ASH1L: variants seen among roughly 807,000 people sequenced by gnomAD.
ASH1L encodes ASH1 like histone lysine methyltransferase, also known as histone-lysine N-methyltransferase ASH1L.
Under a neutral mutation model 269.0 loss-of-function variants are expected in ASH1L, and 23 were observed. The observed-to-expected ratio is 0.09, with a 90% CI of 0.06 to 0.12. ASH1L has a LOEUF of 0.12. ASH1L is among the 10% of genes least tolerant of loss of function. ASH1L has a pLI of 1.00. For synonymous variants in ASH1L, 1,187 were observed against 1,253.5 expected (o/e 0.95, Z 1.12); for missense variants, 2,912 against 3,567.8 (o/e 0.82, Z 4.68).
chr1:155,415,595 T>C, intron 6 of ASH1L, 149 bp downstream of exon 6: 4 of 841,404 alleles, frequency 4.8e-6, no homozygotes, highest in Non-Finnish European at 7.6e-6. Flanking sequence ...GACACAAAGT[T>C]TGAGGGAGGC....
chr1:155,477,561 CA>C (rs1665652904), intron 3 of ASH1L, among the ~76,000 whole-genome samples: 1 of 152,110 alleles, frequency 6.6e-6, no homozygotes, highest in Non-Finnish European at 1.5e-5. Context: ...ATACTACTAA[CA>C]GACCTATGAG....
At chr1:155,462,510 C>A (rs1664383564) in intron 3 of ASH1L, among the ~76,000 whole-genome samples, 2 of 152,164 alleles carry the variant, frequency 1.3e-5, no homozygotes, top group Non-Finnish European at 2.9e-5. Flanking sequence ...TTGGTGACAT[C>A]TGGAGCTTCA....
upstream of ASH1L, chr1:155,562,904 C>T (rs760647154): frequency 3.5e-5 from 16 of 454,704 alleles, no homozygotes; most frequent in East Asian, 1.4e-4. Flanking sequence ...GCCAGCCCCC[C>T]CTACCACCCT....
chr1:155,492,377 T>C (rs1453952505), intron 2 of ASH1L, among the ~76,000 whole-genome samples: 1 of 152,248 alleles, frequency 6.6e-6, no homozygotes, highest in Non-Finnish European at 1.5e-5. Context: ...CATGTCCTTC[T>C]AGACGACAAT....
Position 155,562,500 on chromosome 1 carries a change from G to A in ASH1L, c.-447C>T, listed in dbSNP as rs1672084597. 2.7e-6 allele frequency: 4 copies of A among 1,497,096 alleles called. No individual in the cohort carries two copies. Among genetic ancestry groups the A allele is most frequent in the East Asian group, 2.5e-5 (1 of 40,474 alleles). 92.7% of individuals were successfully genotyped at this position (1,497,096 alleles called of 1,614,324 possible). A position where few individuals can be genotyped will look rare whatever the true frequency, so the allele number is the denominator to read the frequency against. Reference sequence around the variant, plus strand: ...AGCTCCTCCAGAGGGAGGGAGCGAAGGGCGCCTAGCGCCCCCCTCAACCTT... The same window carrying A: ...AGCTCCTCCAGAGGGAGGGAGCGAAAGGCGCCTAGCGCCCCCCTCAACCTT... On this transcript the variant is annotated 5_prime_UTR_variant, in exon 1 of 28. Coordinates refer to ENST00000392403, the MANE Select transcript of ASH1L (RefSeq NM_018489.3).
intron 3 of ASH1L, among the ~76,000 whole-genome samples, chr1:155,460,219 TACA>T (rs1664186225): frequency 6.6e-6 from 1 of 152,234 alleles, no homozygotes; most frequent in African/African-American, 2.4e-5. Context: ...AAAATATTGA[TACA>T]AATTACTAAC....
chr1:155,471,784 G>A (rs1665118666), intron 3 of ASH1L, among the ~76,000 whole-genome samples: 1 of 152,204 alleles, frequency 6.6e-6, no homozygotes, highest in South Asian at 2.1e-4. Flanking sequence ...AGCAGGCCAG[G>A]CAGAAGTATG....
chr1:155,524,255 G>A (rs1221989001), intron 1 of ASH1L, among the ~76,000 whole-genome samples: 1 of 152,160 alleles, frequency 6.6e-6, no homozygotes, highest in Non-Finnish European at 1.5e-5. Context: ...GAGCATGGTG[G>A]CTCATGCCTA....
intron 6 of ASH1L, among the ~76,000 whole-genome samples, chr1:155,411,582 A>ATATAT (rs1659775685): frequency 1.9e-4 from 9 of 48,410 alleles, no homozygotes; most frequent in South Asian, 1.2e-3. Flanking sequence ...TAAATAAATA[A>ATATAT]ATAAATATAT....
At chr1:155,407,084 G>T (rs1358218088) in intron 6 of ASH1L, among the ~76,000 whole-genome samples, 1 of 152,064 alleles carries the variant, frequency 6.6e-6, no homozygotes, top group Non-Finnish European at 1.5e-5. Flanking sequence ...TTAGCCAGGC[G>T]TGGTGGTGCA....
At position 155,360,369 on chromosome 1, in the gene ASH1L, T is replaced by C; in HGVS notation, c.6727A>G (p.Lys2243Glu). 1 of 1,613,462 alleles carries C rather than the reference T, an allele frequency of 6.2e-7. No individual in the cohort carries two copies. Among genetic ancestry groups the C allele is most frequent in the East Asian group, 2.2e-5 (1 of 44,874 alleles). The stretch of plus-strand genomic sequence containing the variant: ...AGTTCAGTCCCAGCTGGCATGTCTT[T>C]AAGAGCATAGAGTCCAATCCGGTAT... ...GVYRIGLYALKDMPAGTELTY... is the reference protein window; with the variant it reads ...GVYRIGLYALEDMPAGTELTY... Residue 2243 changes from lysine to glutamate, a missense_variant, in exon 13 of 28, where the codon AAA becomes GAA. Coordinates refer to ENST00000392403, the MANE Select transcript of ASH1L (RefSeq NM_018489.3).
Position 155,481,796 on chromosome 1 carries a change from C to A in ASH1L, c.1074G>T (p.Lys358Asn), listed in dbSNP as rs896667964. ...PGLVHKESGK[K>N]LGLGTVVGLV... ...GTCCAACCACAGTGCCAAGTCCTAA[C>A]TTCTTGCCAGACTCTTTATGCACTA... Residue 358 changes from lysine (K) to asparagine (N), a missense_variant, in exon 3 of 28, where the codon AAG (lysine) becomes AAT (asparagine). Coordinates refer to ENST00000392403, the MANE Select transcript of ASH1L (RefSeq NM_018489.3). 88 of 1,614,112 alleles carry A rather than the reference C, an allele frequency of 5.5e-5. No homozygotes were observed. The highest frequency in any genetic ancestry group is 7.3e-5 in the Non-Finnish European group (86 of 1,180,036).
intron 7 of ASH1L, among the ~76,000 whole-genome samples, chr1:155,382,821 A>G (rs1003933770): frequency 1.3e-5 from 2 of 151,922 alleles, no homozygotes; most frequent in African/African-American, 4.8e-5. Context: ...AACCTCCCAG[A>G]CTAAAGCGAT....
intron 3 of ASH1L, among the ~76,000 whole-genome samples, chr1:155,463,252 C>A (rs970950186): frequency 2.6e-5 from 4 of 152,182 alleles, no homozygotes; most frequent in African/African-American, 9.6e-5. Context: ...AGTGCGATAT[C>A]GTGTTCAGTA....
At chr1:155,555,390 A>C (rs574879625) in intron 1 of ASH1L, among the ~76,000 whole-genome samples, 1 of 150,598 alleles carries the variant, frequency 6.6e-6, no homozygotes, top group Non-Finnish European at 1.5e-5. Context: ...CAAGCTACTC[A>C]GGAGGCTGAG....
chr1:155,382,757 G>A (rs1206206322), intron 7 of ASH1L, among the ~76,000 whole-genome samples: 1 of 150,820 alleles, frequency 6.6e-6, no homozygotes, highest in Non-Finnish European at 1.5e-5. Context: ...ACAGTGTCTC[G>A]CTCTGTCACC....
intron 6 of ASH1L, among the ~76,000 whole-genome samples, chr1:155,408,175 G>A (rs368734869): frequency 1.5e-4 from 23 of 152,172 alleles, no homozygotes; most frequent in African/African-American, 5.1e-4. Context: ...CCCCAGCCTC[G>A]GATGGTACCT....
At chr1:155,374,607 AAT>A (rs748676543) in intron 10 of ASH1L, among the ~76,000 whole-genome samples, 1 of 152,168 alleles carries the variant, frequency 6.6e-6, no homozygotes, top group Non-Finnish European at 1.5e-5. Flanking sequence ...TTGGTACATG[AAT>A]ATTATTGAAT....
chr1:155,370,495 C>T lies in ASH1L; in HGVS notation c.6686+9G>A, dbSNP rs1655850357. ...GGATTCTTGTCTTCACCTTCTTTTG[C>T]TTCCTTACCATTTCTGCATTTCACA... is the stretch of plus-strand genomic sequence containing the variant. On this transcript the variant is annotated intron_variant, in intron 12 of 27. Coordinates refer to ENST00000392403, the MANE Select transcript of ASH1L (RefSeq NM_018489.3). The T allele has an allele frequency of 2.5e-6, 4 of 1,613,374 alleles. No individual in the cohort carries two copies. The highest frequency in any genetic ancestry group is 2.5e-6 in the Non-Finnish European group (3 of 1,180,010).
Sources: gnomAD v4.1 joint callset for allele counts (sites outside exome capture counted in the v4.1 genomes callset) on GRCh38, gnomAD v4.1.1 for gene constraint, MANE v1.5 for transcripts, NCBI Gene and HGNC (gene_info 2026-07-23, HGNC 2026-07-21) for gene names.